PLCG2: variants seen among roughly 807,000 people sequenced by gnomAD.
PLCG2 encodes the protein phospholipase C gamma 2.
Under a neutral mutation model 175.6 loss-of-function variants are expected in PLCG2, and 69 were observed. The observed-to-expected ratio is 0.39, with a 90% CI of 0.32 to 0.48. The LOEUF (loss-of-function observed/expected upper bound fraction) is 0.48, where lower values mean the gene tolerates loss of function less well. PLCG2 is among the 20% of genes least tolerant of loss of function. PLCG2 has a pLI of 0.91. For synonymous variants in PLCG2, 827 were observed against 624.0 expected (o/e 1.33, Z -4.85); for missense variants, 1,798 against 1,650.9 (o/e 1.09, Z -1.54).
intron 9 of PLCG2, among the ~76,000 whole-genome samples, chr16:81,884,004 A>T (rs1200236572): frequency 6.6e-6 from 1 of 152,206 alleles, no homozygotes; most frequent in Non-Finnish European, 1.5e-5. Context: ...AACACCAGGG[A>T]TGTTCCTAAA....
chr16:81,956,889 C>T lies in PLCG2; in HGVS notation c.3755+10C>T. On this transcript the variant is annotated intron_variant, in intron 32 of 32. Transcript: ENST00000564138. Reference sequence around the variant, plus strand: ...AGAAATGCAACAAGAGGTAGGTCAGCCCCTCCACCTGCAAAAACTTTTGGG... The same window carrying T: ...AGAAATGCAACAAGAGGTAGGTCAGTCCCTCCACCTGCAAAAACTTTTGGG... The T allele has an allele frequency of 1.2e-6, 2 of 1,608,852 alleles. No homozygotes were observed. The highest frequency in any genetic ancestry group is 2.2e-5 in the South Asian group (2 of 90,742).
rs1183458564 is a variant in PLCG2 at position 81,816,003 on chromosome 16, G to A, written c.193+29821G>A. On this transcript the variant is annotated intron_variant, in intron 2 of 32. Transcript: ENST00000564138. ...CTTGAACCCGGGAGGTGGAGGTTGC[G>A]GTGAGCCGAGATTGTGCCACTGCAC... Among the ~76,000 whole-genome samples the A allele has an allele frequency of 2.6e-5, 4 of 151,756 alleles. No homozygotes were observed. In the East Asian group the frequency reaches 5.8e-4, roughly 22 times the overall value.
intron 1 of PLCG2, among the ~76,000 whole-genome samples, chr16:81,744,121 G>C (rs1488295543): frequency 6.6e-6 from 1 of 150,888 alleles, no homozygotes; most frequent in Non-Finnish European, 1.5e-5. Context: ...GCCTCCCAAA[G>C]TGCTGGGATT....
chr16:81,817,192 A>G (rs1227400340), intron 2 of PLCG2, among the ~76,000 whole-genome samples: 2 of 151,968 alleles, frequency 1.3e-5, no homozygotes, highest in African/African-American at 2.4e-5. Context: ...TGGTCAGAAA[A>G]GGCCTCTCTG....
rs1274344561 is a variant in PLCG2 at position 81,956,673 on chromosome 16, T to A, written c.3571-22T>A. 3 of 1,607,574 alleles carry A rather than the reference T, an allele frequency of 1.9e-6. No homozygotes were observed. In the African/African-American group the frequency reaches 4.0e-5, roughly 21 times the overall value. ...GGAAGGTGTAGTCACCACATGGTTG[T>A]TCTCTCCCCTGCATCCTCCAGGAGA... On this transcript the variant is annotated intron_variant, in intron 31 of 32. Transcript: ENST00000564138.
At position 81,937,909 on chromosome 16, in the gene PLCG2, G is replaced by C. The variant is rs752647511; in HGVS notation, c.3198+6G>C. The C allele has an allele frequency of 1.9e-6, 3 of 1,613,852 alleles. No homozygotes were observed. The highest frequency in any genetic ancestry group is 2.2e-5 in the South Asian group (2 of 91,058). On this transcript the variant is annotated splice_donor_region_variant and intron_variant, in intron 28 of 32. Transcript: ENST00000564138. ...TGATGACGCTGACAGTCAAGGTAAA[G>C]CCAGCCCTCCCTTCCTGCCAGGGGA...
chr16:81,919,294 G>A (rs1307474159), intron 19 of PLCG2, among the ~76,000 whole-genome samples, 190 bp from the exon 20 acceptor site: 1 of 152,170 alleles, frequency 6.6e-6, no homozygotes, highest in Non-Finnish European at 1.5e-5. Flanking sequence ...GATTCTTCTA[G>A]ATCTGTTTTG....
chr16:81,868,301 C>T (rs965817722), intron 5 of PLCG2, among the ~76,000 whole-genome samples: 1 of 147,750 alleles, frequency 6.8e-6, no homozygotes, highest in Non-Finnish European at 1.5e-5. Flanking sequence ...TGTTCCTTCC[C>T]ACTTCCCCTC....
At chr16:81,747,321 G>C (rs2065561672) in intron 1 of PLCG2, among the ~76,000 whole-genome samples, 1 of 152,152 alleles carries the variant, frequency 6.6e-6, no homozygotes, top group Non-Finnish European at 1.5e-5. Flanking sequence ...GATCACTTGA[G>C]GTTAGGTGTT....
chr16:81,803,037 T>A (rs555441335), intron 2 of PLCG2, among the ~76,000 whole-genome samples: 1 of 152,186 alleles, frequency 6.6e-6, no homozygotes, highest in South Asian at 2.1e-4. Context: ...TCCCTGGCAA[T>A]GACAAATCTA....
upstream of PLCG2, chr16:81,779,268 T>A (rs2143142383): frequency 6.7e-6 from 1 of 150,134 alleles, no homozygotes; most frequent in African/African-American, 2.4e-5. Context: ...GAGGATCACG[T>A]GGCGCGGCGC....
chr16:81,772,301 C>G (rs945261668), intron 2 of PLCG2, among the ~76,000 whole-genome samples: 1 of 152,090 alleles, frequency 6.6e-6, no homozygotes, highest in East Asian at 1.9e-4. Context: ...CCACAGAACC[C>G]GGGAGAAAGG....
rs1449596018 is a variant in PLCG2 at position 81,750,736 on chromosome 16, C to A, written c.-144-5134C>A. Among the ~76,000 whole-genome samples the A allele has an allele frequency of 5.8e-5, 7 of 119,796 alleles. No individual in the cohort carries two copies. In the Admixed American group the frequency reaches 8.3e-4, roughly 14 times the overall value. The allele number at this position is 119,796 out of a possible 152,430, so 78.6% of individuals were successfully genotyped here. A position where few individuals can be genotyped will look rare whatever the true frequency, so the allele number is the denominator to read the frequency against. On this transcript the variant is annotated intron_variant, in intron 1 of 5. Transcript: ENST00000565054. Reference sequence around the variant, plus strand: ...AGGCTGGAGTGCAGTGGCGCGATCTCGGCTCACTGCAAGCTCCGCCTCCCG... The same window carrying A: ...AGGCTGGAGTGCAGTGGCGCGATCTAGGCTCACTGCAAGCTCCGCCTCCCG...
intron 2 of PLCG2, among the ~76,000 whole-genome samples, chr16:81,768,923 C>G (rs187521912): frequency 2.0e-4 from 30 of 152,154 alleles, no homozygotes; most frequent in Middle Eastern, 3.4e-3. Flanking sequence ...TTTTGTTCAA[C>G]CAGTTGGTCT....
intron 5 of PLCG2, among the ~76,000 whole-genome samples, chr16:81,860,229 G>C (rs1234189810): frequency 1.5e-5 from 2 of 134,480 alleles, no homozygotes; most frequent in East Asian, 2.2e-4. Flanking sequence ...TTTAAAAAAA[G>C]CAAACGCAGT....
intron 2 of PLCG2, among the ~76,000 whole-genome samples, chr16:81,816,809 A>G (rs1221215486): frequency 6.6e-6 from 1 of 151,788 alleles, no homozygotes; most frequent in Non-Finnish European, 1.5e-5. Context: ...GCCAGAAATT[A>G]TGACTTACTC....
chr16:81,957,544 C>T (rs1245309552), intron 32 of PLCG2, among the ~76,000 whole-genome samples: 1 of 152,114 alleles, frequency 6.6e-6, no homozygotes, highest in Admixed American at 6.5e-5. Flanking sequence ...CAAGATCCCC[C>T]AACAGGGATG....
chr16:81,747,677 A>G (rs955905217), intron 1 of PLCG2, among the ~76,000 whole-genome samples: 1 of 152,202 alleles, frequency 6.6e-6, no homozygotes, highest in East Asian at 1.9e-4. Context: ...TTAAAATAAT[A>G]AGGTGCAACA....
intron 2 of PLCG2, among the ~76,000 whole-genome samples, chr16:81,803,251 T>A (rs1268650066): frequency 6.6e-6 from 1 of 151,934 alleles, no homozygotes; most frequent in Non-Finnish European, 1.5e-5. Flanking sequence ...CCTGAGTAGC[T>A]GGGACTACAG....
Sources: gnomAD v4.1 joint callset for allele counts (sites outside exome capture counted in the v4.1 genomes callset) on GRCh38, gnomAD v4.1.1 for gene constraint, MANE v1.5 for transcripts, NCBI Gene and HGNC (gene_info 2026-07-23, HGNC 2026-07-21) for gene names.